Variants in NTRK2 observed in about 807,000 individuals in gnomAD.
The protein encoded by NTRK2 is BDNF/NT-3 growth factors receptor.
NTRK2 carries 13 observed loss-of-function variants against 94.5 expected under a neutral mutation model. The ratio of observed to expected loss-of-function variants is 0.14; its 90% CI spans 0.09 to 0.22. The LOEUF (loss-of-function observed/expected upper bound fraction) is 0.22. Among genes scored for constraint, NTRK2 ranks in the 10% least tolerant of loss-of-function variants. The pLI, the probability that NTRK2 is intolerant of heterozygous loss-of-function variation, is 1.00. For missense variants in NTRK2, 639 were observed against 1,071.2 expected (o/e 0.60, Z 5.63); for synonymous variants, 372 against 407.4 (o/e 0.91, Z 1.05).
At chr9:84,695,446 A>G (rs893582) in intron 2 of NTRK2, among the ~76,000 whole-genome samples, 92,623 of 152,028 alleles carry the variant, frequency 0.61, 28,414 homozygotes, top group African/African-American at 0.66. Context: ...TAAGTCAAAA[A>G]TATTTCTGTG....
intron 12 of NTRK2, among the ~76,000 whole-genome samples, chr9:84,790,271 C>G (rs2068595014): frequency 6.6e-6 from 1 of 152,168 alleles, no homozygotes; most frequent in Non-Finnish European, 1.5e-5. Context: ...TAATCATCAT[C>G]CCCACAAAAG....
intron 14 of NTRK2, chr9:84,872,920 G>T: frequency 9.4e-7 from 1 of 1,065,230 alleles, no homozygotes; most frequent in Non-Finnish European, 1.1e-6. Context: ...CTTCGTCCTT[G>T]TCTTACCAAT....
intron 12 of NTRK2, among the ~76,000 whole-genome samples, chr9:84,851,964 G>T (rs1185220407): frequency 2.6e-5 from 4 of 152,162 alleles, no homozygotes; most frequent in African/African-American, 9.7e-5. Context: ...TTGCAAAGGC[G>T]TTTCTAAACA....
intron 17 of NTRK2, among the ~76,000 whole-genome samples, chr9:84,985,582 C>G (rs1365932706): frequency 6.6e-6 from 1 of 152,202 alleles, no homozygotes; most frequent in Non-Finnish European, 1.5e-5. Context: ...TCTTTGTGCT[C>G]ATTGTTGGTA....
At chr9:84,699,685 TG>T (rs541195829) in intron 2 of NTRK2, among the ~76,000 whole-genome samples, 34 of 149,736 alleles carry the variant, frequency 2.3e-4, no homozygotes, top group Non-Finnish European at 4.9e-4. Context: ...TTCTAACGAG[TG>T]TATGCATTTC....
intron 9 of NTRK2, among the ~76,000 whole-genome samples, chr9:84,732,749 G>C (rs2062978296): frequency 6.6e-6 from 1 of 152,178 alleles, no homozygotes. Context: ...AGATGACAGG[G>C]TAGTTGGCTC....
intron 12 of NTRK2, among the ~76,000 whole-genome samples, chr9:84,843,645 G>A (rs1387182500): frequency 1.3e-5 from 2 of 152,208 alleles, no homozygotes; most frequent in Non-Finnish European, 2.9e-5. Context: ...AACTGTAGGG[G>A]GCACAAGTCA....
intron 9 of NTRK2, among the ~76,000 whole-genome samples, chr9:84,731,606 A>G (rs2062892150): frequency 6.6e-6 from 1 of 152,150 alleles, no homozygotes; most frequent in African/African-American, 2.4e-5. Flanking sequence ...GGAATGGACC[A>G]ATTGGATGTA....
intron 12 of NTRK2, among the ~76,000 whole-genome samples, chr9:84,830,007 A>G (rs1222229409): frequency 2.0e-5 from 3 of 152,232 alleles, no homozygotes; most frequent in Non-Finnish European, 2.9e-5. Context: ...ACTGCACCAG[A>G]GTAGGAGCAG....
chr9:84,827,735 C>T (rs570875421), intron 12 of NTRK2, among the ~76,000 whole-genome samples: 2 of 151,568 alleles, frequency 1.3e-5, no homozygotes, highest in South Asian at 4.1e-4. Context: ...TGCAAGCTGC[C>T]AATGCTTACT....
chr9:84,853,686 G>A (rs2074901368), intron 12 of NTRK2, among the ~76,000 whole-genome samples: 1 of 152,196 alleles, frequency 6.6e-6, no homozygotes, highest in African/African-American at 2.4e-5. Flanking sequence ...GATCCCTGTA[G>A]CAAATGCTGT....
intron 2 of NTRK2, among the ~76,000 whole-genome samples, chr9:84,697,205 G>T (rs908432772): frequency 2.6e-5 from 4 of 152,178 alleles, no homozygotes; most frequent in Non-Finnish European, 5.9e-5. Context: ...TCTGCAGGCT[G>T]GGGGGTGGAG....
At chr9:84,919,693 T>G (rs1233882167) in intron 14 of NTRK2, among the ~76,000 whole-genome samples, 2 of 152,250 alleles carry the variant, frequency 1.3e-5, no homozygotes, top group African/African-American at 2.4e-5. Context: ...CTGTAATATT[T>G]AACTTAAGTT....
chr9:85,021,578 C>T lies in NTRK2; in HGVS notation c.*141C>T, dbSNP rs1832782552. 3 of 822,570 alleles carry T rather than the reference C, an allele frequency of 3.6e-6. No individual in the cohort carries two copies. The highest frequency in any genetic ancestry group is 6.2e-6 in the Non-Finnish European group (3 of 482,174). The allele number at this position is 822,570 out of a possible 1,614,324, so 51.0% of individuals were successfully genotyped here. ...TTAACATCAAAGACTCCGAGAAGCTCTCGAGGGAAGCAGTGTGTACTTCTT... is the reference window on the plus strand; with the variant it reads ...TTAACATCAAAGACTCCGAGAAGCTTTCGAGGGAAGCAGTGTGTACTTCTT... On this transcript the variant is annotated 3_prime_UTR_variant, in exon 19 of 19. Coordinates refer to ENST00000277120, the MANE Select transcript of NTRK2 (RefSeq NM_006180.6).
chr9:84,897,094 A>C (rs1214059972), intron 14 of NTRK2, among the ~76,000 whole-genome samples: 1 of 152,124 alleles, frequency 6.6e-6, no homozygotes, highest in Non-Finnish European at 1.5e-5. Flanking sequence ...ACAGCTGGCA[A>C]ATGGAGGGGC....
chr9:84,918,347 C>T (rs1656018088), intron 14 of NTRK2, among the ~76,000 whole-genome samples: 1 of 152,200 alleles, frequency 6.6e-6, no homozygotes, highest in Non-Finnish European at 1.5e-5. Context: ...ACAATGGGGG[C>T]TTCTTTGCAT....
chr9:84,849,572 A>G (rs756634778), intron 12 of NTRK2, among the ~76,000 whole-genome samples: 17 of 152,236 alleles, frequency 1.1e-4, no homozygotes, highest in African/African-American at 2.9e-4. Flanking sequence ...AGTATCTACA[A>G]TGAACCAGGC....
At chr9:84,744,313 T>G (rs936978735) in intron 10 of NTRK2, among the ~76,000 whole-genome samples, 1 of 152,192 alleles carries the variant, frequency 6.6e-6, no homozygotes, top group Non-Finnish European at 1.5e-5. Flanking sequence ...TTCTAAGTAT[T>G]GTGTGGATCT....
chr9:84,897,759 T>C (rs1311121727), intron 14 of NTRK2, among the ~76,000 whole-genome samples: 1 of 152,252 alleles, frequency 6.6e-6, no homozygotes, highest in Non-Finnish European at 1.5e-5. Flanking sequence ...TGGTCGTGCA[T>C]GTGTCCCTCA....
Sources: gnomAD v4.1 joint callset for allele counts (sites outside exome capture counted in the v4.1 genomes callset) on GRCh38, gnomAD v4.1.1 for gene constraint, MANE v1.5 for transcripts, NCBI Gene and HGNC (gene_info 2026-07-23, HGNC 2026-07-21) for gene names.